The following SAMD4B variants were observed in gnomAD, a reference collection of about 807,000 sequenced individuals.
SAMD4B encodes sterile alpha motif domain containing 4B.
SAMD4B carries 5 observed loss-of-function variants against 74.5 expected under a neutral mutation model. That is an observed-to-expected ratio of 0.07 (90% CI 0.04 to 0.14). The LOEUF is 0.14. SAMD4B is among the 10% of genes least tolerant of loss of function. The probability of loss-of-function intolerance (pLI) is 1.00; values close to 1 mark genes in which losing one functional copy is unlikely to be tolerated. For missense variants in SAMD4B, 608 were observed against 921.8 expected (o/e 0.66, Z 4.41); for synonymous variants, 373 against 374.9 (o/e 1.00, Z 0.06).
At chr19:39,368,010 C>T (rs1034900593) in intron 3 of SAMD4B, among the ~76,000 whole-genome samples, 1 of 151,388 alleles carries the variant, frequency 6.6e-6, no homozygotes, top group Non-Finnish European at 1.5e-5. Flanking sequence ...GTCAGGAGAT[C>T]GAGACCATCT....
At chr19:39,347,037 C>G (rs1325656034) in intron 1 of SAMD4B, among the ~76,000 whole-genome samples, 3 of 151,954 alleles carry the variant, frequency 2.0e-5, no homozygotes, top group Non-Finnish European at 4.4e-5. Context: ...AGTGATAGAA[C>G]CTTAGCTCAA....
intron 3 of SAMD4B, among the ~76,000 whole-genome samples, chr19:39,366,611 C>T (rs1211114424): frequency 6.6e-6 from 1 of 152,142 alleles, no homozygotes; most frequent in African/African-American, 2.4e-5. Context: ...CAAACTTAAG[C>T]AGAATTAGGA....
intron 7 of SAMD4B, among the ~76,000 whole-genome samples, chr19:39,377,069 TG>T (rs771673132): frequency 5.3e-5 from 8 of 152,242 alleles, no homozygotes. Context: ...CATTTCTTAC[TG>T]GTCTTTCTGG....
At position 39,364,682 on chromosome 19, in the gene SAMD4B, C is replaced by T. The variant is rs1387589048; in HGVS notation, c.197-4973C>T. The stretch of plus-strand genomic sequence containing the variant: ...AAACAGGGTACCACAGAGTTCTTAT[C>T]GTTTGATCCAGTGCCAGGTGGAGTT... On this transcript the variant is annotated intron_variant, in intron 3 of 13. Coordinates refer to ENST00000610417, the MANE Select transcript of SAMD4B (RefSeq NM_001384574.2). Among the ~76,000 whole-genome samples, 5 of 152,152 alleles carry T rather than the reference C, an allele frequency of 3.3e-5. No individual in the cohort carries two copies. In the East Asian group the frequency reaches 7.7e-4, roughly 23 times the overall value.
Position 39,383,545 on chromosome 19 carries a change from C to T in SAMD4B, c.*18C>T, listed in dbSNP as rs571961567. 5.0e-6 allele frequency: 8 copies of T among 1,614,250 alleles called. No individual in the cohort carries two copies. Among genetic ancestry groups the T allele is most frequent in the East Asian group, 4.5e-5 (2 of 44,890 alleles). On this transcript the variant is annotated 3_prime_UTR_variant, in exon 14 of 14. Coordinates refer to ENST00000610417, the MANE Select transcript of SAMD4B (RefSeq NM_001384574.2). This position sits in a 1 kb window ranked among gnomAD's most constrained non-coding sequence, Gnocchi z 4.1. ...CCATCTGACGGGACCCACAGCCCAG[C>T]GCACCCATAGGCTCCCTGGGCGGCG... is the stretch of plus-strand genomic sequence containing the variant.
At chr19:39,389,865 T>C (rs1412141177), downstream of SAMD4B, 2 of 1,482,680 alleles carry the variant, frequency 1.3e-6, no homozygotes, top group African/African-American at 2.8e-5. The surrounding 1 kb of genome is among the most constrained non-coding windows in gnomAD (Gnocchi z 5.3). Flanking sequence ...CAGAATGAAG[T>C]GTCCCCCATG....
intron 3 of SAMD4B, among the ~76,000 whole-genome samples, chr19:39,363,619 T>C (rs554293891): frequency 1.3e-5 from 2 of 152,264 alleles, no homozygotes; most frequent in East Asian, 3.9e-4. Flanking sequence ...TTTACAACAA[T>C]CCTGTGAGGT....
chr19:39,352,098 C>T (rs895752742), intron 1 of SAMD4B: 9 of 152,206 alleles, frequency 5.9e-5, no homozygotes, highest in African/African-American at 1.7e-4. Context: ...AGACCGAACA[C>T]AAAGCATCCT....
chr19:39,349,250 A>G (rs759948623), intron 1 of SAMD4B, among the ~76,000 whole-genome samples: 1 of 152,220 alleles, frequency 6.6e-6, no homozygotes, highest in Non-Finnish European at 1.5e-5. Flanking sequence ...GTCCACAGAG[A>G]GGTGATGATT....
At chr19:39,376,613 G>A in intron 6 of SAMD4B, 67 bp downstream of exon 6, 1 of 1,579,966 alleles carries the variant, frequency 6.3e-7, no homozygotes, top group Non-Finnish European at 8.7e-7. Flanking sequence ...TGCAGCCCAA[G>A]CCTCCTCTGT....
intron 1 of SAMD4B, among the ~76,000 whole-genome samples, chr19:39,345,544 C>G (rs924418118): frequency 5.3e-5 from 8 of 152,162 alleles, no homozygotes; most frequent in Non-Finnish European, 1.2e-4. Context: ...GAGGCACCCT[C>G]AGGAGGTCTT....
At chr19:39,373,815 T>C (rs2077440224) in intron 4 of SAMD4B, among the ~76,000 whole-genome samples, 1 of 149,892 alleles carries the variant, frequency 6.7e-6, no homozygotes, top group African/African-American at 2.5e-5. Context: ...AAATACAAAA[T>C]TAGCCAGGCG....
intron 1 of SAMD4B, among the ~76,000 whole-genome samples, chr19:39,342,975 C>T (rs2075409117): frequency 1.3e-5 from 2 of 151,768 alleles, no homozygotes; most frequent in Admixed American, 6.6e-5. Flanking sequence ...TCCTCGAGCC[C>T]TTCATGGGTC....
intron 10 of SAMD4B, 112 bp from the exon 11 acceptor site, chr19:39,380,475 T>G: frequency 2.7e-6 from 3 of 1,115,514 alleles, no homozygotes; most frequent in Non-Finnish European, 2.7e-6. Flanking sequence ...GAATGTGTGA[T>G]GGAGGTTTAT....
downstream of SAMD4B, chr19:39,389,966 T>C: frequency 9.3e-7 from 1 of 1,074,134 alleles, no homozygotes; most frequent in Non-Finnish European, 1.4e-6. This position sits in a 1 kb window ranked among gnomAD's most constrained non-coding sequence, Gnocchi z 5.3. Flanking sequence ...TGTGCTAGGG[T>C]AGGTACTGTG....
chr19:39,383,126 A>G lies in SAMD4B; in HGVS notation c.1973-82A>G, dbSNP rs1291969989. 3.1e-5 allele frequency: 34 copies of G among 1,111,514 alleles called. No homozygotes were observed. The highest frequency in any genetic ancestry group is 1.9e-4 in the Admixed American group (11 of 59,246). The allele number at this position is 1,111,514 out of a possible 1,614,324, so 68.9% of individuals were successfully genotyped here. On this transcript the variant is annotated intron_variant, in intron 12 of 13. Transcript: ENST00000610417. The surrounding 1 kb of genome is among the most constrained non-coding windows in gnomAD (Gnocchi z 4.1). ...TCCATCTCTCTTGCTCCCTTCCCAT[A>G]CCAGCATCCTTTGTCATCCCAGCTG...
In SAMD4B at chr19:39,378,383, T is replaced by G. The variant is rs1019678465; in HGVS notation, c.1445-121T>G. 8 of 769,330 alleles carry G rather than the reference T, an allele frequency of 1.0e-5. No individual in the cohort carries two copies. The highest frequency in any genetic ancestry group is 3.7e-4 in the Middle Eastern group (1 of 2,724). The allele number at this position is 769,330 out of a possible 1,614,324, so 47.7% of individuals were successfully genotyped here. ...CCCAAATACCATGGCTAGCACTTAA[T>G]AGTTGATATTCATCCAGCCTGAGTC... On this transcript the variant is annotated intron_variant, in intron 8 of 13. Transcript: ENST00000610417. This position sits in a 1 kb window ranked among gnomAD's most constrained non-coding sequence, Gnocchi z 4.4.
Position 39,383,168 on chromosome 19 carries a change from G to T in SAMD4B, c.1973-40G>T, listed in dbSNP as rs866849904. 6 of 1,541,446 alleles carry T rather than the reference G, an allele frequency of 3.9e-6. No individual in the cohort carries two copies. Among genetic ancestry groups the T allele is most frequent in the Middle Eastern group, 3.4e-4 (2 of 5,966 alleles). ...TCCCAGCTGTCTTCACCTGAGTCCA[G>T]TTGGTCCTTACCACCCCCATTCTCC... On this transcript the variant is annotated intron_variant, in intron 12 of 13. Transcript: ENST00000610417. The surrounding 1 kb of genome is among the most constrained non-coding windows in gnomAD (Gnocchi z 4.1).
At chr19:39,389,499 C>T (rs2078326044), downstream of SAMD4B, 1 of 1,614,174 alleles carries the variant, frequency 6.2e-7, no homozygotes, top group Non-Finnish European at 8.5e-7. This position sits in a 1 kb window ranked among gnomAD's most constrained non-coding sequence, Gnocchi z 5.3. Flanking sequence ...CTGGTGGGGG[C>T]CTGAATCTCC....
Sources: allele counts gnomAD v4.1 joint callset (sites outside exome capture counted in the v4.1 genomes callset), GRCh38; gene constraint gnomAD v4.1.1; non-coding constraint Gnocchi (gnomAD v3.1); transcripts MANE v1.5; gene names NCBI Gene and HGNC (gene_info 2026-07-23, HGNC 2026-07-21).